Variants in BICD1 observed in about 807,000 individuals in gnomAD.
BICD1 encodes BICD cargo adaptor 1.
BICD1 carries 35 observed loss-of-function variants against 92.5 expected under a neutral mutation model. The observed-to-expected ratio is 0.38, with a 90% confidence interval of 0.29 to 0.50. The LOEUF is 0.50. Among genes scored for constraint, BICD1 ranks in the 20% least tolerant of loss-of-function variants. The pLI, the probability that BICD1 is intolerant of heterozygous loss-of-function variation, is 0.93. For missense variants in BICD1, 950 were observed against 1,189.8 expected (o/e 0.80, Z 2.97); for synonymous variants, 429 against 465.1 (o/e 0.92, Z 1.00).
At chr12:32,140,297 C>G (rs1144721) in intron 1 of BICD1, among the ~76,000 whole-genome samples, 44,405 of 152,032 alleles carry the variant, frequency 0.29, 6,878 homozygotes, top group African/African-American at 0.39. Context: ...TTGCCTTTTT[C>G]TCATGTTCAA....
chr12:32,327,683 A>C lies in BICD1; in HGVS notation c.1228A>C (p.Ile410Leu). The C allele has an allele frequency of 6.2e-7, 1 of 1,614,184 alleles. No homozygotes were observed. The highest frequency in any genetic ancestry group is 1.7e-5 in the Admixed American group (1 of 60,024). Reference sequence around the variant, plus strand: ...GGAGGCCCATGACTATGAGGTGGACATCAATGGTTTAGAGATCCTTGAATG... The same window carrying C: ...GGAGGCCCATGACTATGAGGTGGACCTCAATGGTTTAGAGATCCTTGAATG... ...GEEAHDYEVD[I>L]NGLEILECKY... Residue 410 changes from isoleucine (I) to leucine (L), a missense_variant, in exon 5 of 10, where the codon ATC (isoleucine) becomes CTC (leucine). Ile to Leu is a conservative substitution (Grantham distance 5). Coordinates refer to ENST00000652176, the MANE Select transcript of BICD1 (RefSeq NM_001714.4).
chr12:32,149,171 C>T (rs550878556), intron 1 of BICD1, among the ~76,000 whole-genome samples: 62 of 152,280 alleles, frequency 4.1e-4, no homozygotes, highest in African/African-American at 1.4e-3. Flanking sequence ...CATTTCCATA[C>T]AATCTCATCC....
intron 1 of BICD1, among the ~76,000 whole-genome samples, chr12:32,214,780 T>C (rs1159698455): frequency 2.0e-5 from 3 of 152,202 alleles, no homozygotes; most frequent in Non-Finnish European, 2.9e-5. Flanking sequence ...TTCTTACCTC[T>C]TTCATGGTGG....
rs139074119 is a variant in BICD1 at position 32,209,958 on chromosome 12, A to G, written c.214-6289A>G. On this transcript the variant is annotated intron_variant, in intron 1 of 9. Coordinates refer to ENST00000652176, the MANE Select transcript of BICD1 (RefSeq NM_001714.4). ...GCCACATTTCAAAAGCTCAGTAGCC[A>G]TGTGTGGCAACTGGGCATATTGGCA... 2.0e-3 allele frequency among the ~76,000 whole-genome samples: 312 copies of G among 152,338 alleles called. 1 individual carries two copies. Among genetic ancestry groups the G allele is most frequent in the Middle Eastern group, 0.02 (6 of 294 alleles).
chr12:32,317,671 C>A (rs533637916), intron 4 of BICD1, among the ~76,000 whole-genome samples: 1 of 152,272 alleles, frequency 6.6e-6, no homozygotes, highest in African/African-American at 2.4e-5. Flanking sequence ...TGCCTGTTCA[C>A]TCTGATAGTA....
At chr12:32,367,368 C>A (rs1455350813) in intron 8 of BICD1, among the ~76,000 whole-genome samples, 2 of 151,932 alleles carry the variant, frequency 1.3e-5, no homozygotes, top group Admixed American at 1.3e-4. Context: ...ATTAATAGAC[C>A]CTTTATTTTT....
intron 2 of BICD1, among the ~76,000 whole-genome samples, chr12:32,233,586 T>C (rs1207281328): frequency 6.8e-6 from 1 of 147,252 alleles, no homozygotes; most frequent in Admixed American, 6.9e-5. Context: ...ATCTTCTGAG[T>C]AGGGTCAAAC....
At chr12:32,324,590 G>A (rs1948733234) in intron 4 of BICD1, among the ~76,000 whole-genome samples, 1 of 83,916 alleles carries the variant, frequency 1.2e-5, no homozygotes, top group African/African-American at 4.4e-5. Flanking sequence ...TTTCTTTTGA[G>A]ATGAAGATGG....
In BICD1 at chr12:32,268,196, G is replaced by C. The variant is rs140279566; in HGVS notation, c.427-25798G>C. 9.2e-3 allele frequency among the ~76,000 whole-genome samples: 1,396 copies of C among 152,160 alleles called. 27 individuals are homozygous for C. The highest frequency in any genetic ancestry group is 0.032 in the African/African-American group (1,319 of 41,498). ...TTATGTATCACATCCCATTTGCAAG[G>C]GTTGTTTGTCTTGTTCAAAGGACAA... On this transcript the variant is annotated intron_variant, in intron 2 of 9. Transcript: ENST00000652176.
chr12:32,140,466 TTTGTTGTTG>T (rs760549533), intron 1 of BICD1, among the ~76,000 whole-genome samples: 3 of 151,930 alleles, frequency 2.0e-5, no homozygotes, highest in African/African-American at 7.2e-5. Context: ...CAACATCTTG[TTTGTTGTTG>T]TTGTTGTTGT....
chr12:32,116,569 A>C (rs1346046289), intron 1 of BICD1, among the ~76,000 whole-genome samples: 1 of 150,310 alleles, frequency 6.7e-6, no homozygotes. Flanking sequence ...GCTCTGACTG[A>C]AGTACAGTGG....
At chr12:32,239,769 C>G (rs184389606) in intron 2 of BICD1, among the ~76,000 whole-genome samples, 3 of 151,172 alleles carry the variant, frequency 2.0e-5, no homozygotes, top group African/African-American at 7.3e-5. Flanking sequence ...CCACCACACC[C>G]GGCTAATTTT....
chr12:32,189,490 C>G (rs377176426), intron 1 of BICD1, among the ~76,000 whole-genome samples: 1 of 152,046 alleles, frequency 6.6e-6, no homozygotes, highest in African/African-American at 2.4e-5. Flanking sequence ...GAGAACTGTG[C>G]AGAAGGTTAA....
intron 1 of BICD1, among the ~76,000 whole-genome samples, chr12:32,152,514 A>G (rs1290799729): frequency 2.0e-5 from 3 of 152,136 alleles, no homozygotes; most frequent in African/African-American, 7.2e-5. Flanking sequence ...GCGTGAGCCA[A>G]TGCACCTGGC....
At chr12:32,327,149 G>A (rs1487092928) in intron 4 of BICD1, among the ~76,000 whole-genome samples, 1 of 152,184 alleles carries the variant, frequency 6.6e-6, no homozygotes, top group Non-Finnish European at 1.5e-5. Flanking sequence ...TTAAAGTCAT[G>A]TTGTTTTCTG....
intron 1 of BICD1, among the ~76,000 whole-genome samples, chr12:32,142,303 G>A (rs1290133558): frequency 6.6e-6 from 1 of 151,236 alleles, no homozygotes; most frequent in African/African-American, 2.4e-5. Context: ...CTACTGGGGA[G>A]GCTGAGACAG....
intron 2 of BICD1, among the ~76,000 whole-genome samples, chr12:32,289,045 G>A (rs565372986): frequency 6.6e-6 from 1 of 152,258 alleles, no homozygotes; most frequent in African/African-American, 2.4e-5. Flanking sequence ...CTGGAAAGAG[G>A]AGTATAGAAG....
chr12:32,225,541 G>T (rs1350469010), intron 2 of BICD1, among the ~76,000 whole-genome samples: 2 of 150,866 alleles, frequency 1.3e-5, no homozygotes, highest in Non-Finnish European at 2.9e-5. Context: ...GTACCATTTT[G>T]CTTTCCCACT....
intron 1 of BICD1, among the ~76,000 whole-genome samples, chr12:32,206,915 A>G (rs983602036): frequency 2.2e-4 from 34 of 152,378 alleles, no homozygotes; most frequent in African/African-American, 7.0e-4. Context: ...GCAAATTGCA[A>G]AAGAGTGCAT....
Sources: allele counts gnomAD v4.1 joint callset (sites outside exome capture counted in the v4.1 genomes callset), GRCh38; gene constraint gnomAD v4.1.1; transcripts MANE v1.5; gene names NCBI Gene and HGNC (gene_info 2026-07-23, HGNC 2026-07-21).